ZCCHC14: variants seen among roughly 807,000 people sequenced by gnomAD.
ZCCHC14 encodes zinc finger CCHC domain-containing protein 14.
Under a neutral mutation model 85.0 loss-of-function variants are expected in ZCCHC14, and 16 were observed. The observed-to-expected ratio is 0.19, with a 90% confidence interval of 0.13 to 0.29. The LOEUF (loss-of-function observed/expected upper bound fraction) is 0.29. Among genes scored for constraint, ZCCHC14 ranks in the 10% least tolerant of loss-of-function variants. The probability of loss-of-function intolerance (pLI) is 1.00; values close to 1 mark genes in which losing one functional copy is unlikely to be tolerated. For synonymous variants in ZCCHC14, 775 were observed against 630.7 expected, an observed-to-expected ratio of 1.23 and a Z score of -3.43; for missense variants, 1,303 against 1,443.5, an observed-to-expected ratio of 0.90 and a Z score of 1.58.
chr16:87,456,354 C>A (rs1910960439), intron 2 of ZCCHC14, among the ~76,000 whole-genome samples: 1 of 151,770 alleles, frequency 6.6e-6, no homozygotes, highest in Non-Finnish European at 1.5e-5. Context: ...CACGGTGAAA[C>A]CACGTCTCTA....
At chr16:87,472,394 CA>C (rs1258273390) in intron 1 of ZCCHC14, 3 of 152,352 alleles carry the variant, frequency 2.0e-5, no homozygotes, top group African/African-American at 4.8e-5. Flanking sequence ...GCCCATTCCA[CA>C]GCCACAGGGA....
In ZCCHC14 at chr16:87,413,008, T is replaced by G. The variant is rs79270783; in HGVS notation, c.1745-32A>C. 1.9e-6 allele frequency: 3 copies of G among 1,614,066 alleles called. No homozygotes were observed. The East Asian group carries it at 6.7e-5, about 36-fold the overall frequency. On this transcript the variant is annotated intron_variant, in intron 11 of 12. Coordinates refer to ENST00000671377, the MANE Select transcript of ZCCHC14 (RefSeq NM_015144.3). Reference sequence around the variant, plus strand: ...AGGGAAACAAGAGTGGTCAGTGCCATTCCACAGCTGGGCCAGGTCGAGCCA... The same window carrying G: ...AGGGAAACAAGAGTGGTCAGTGCCAGTCCACAGCTGGGCCAGGTCGAGCCA...
At position 87,420,596 on chromosome 16, in the gene ZCCHC14, A is replaced by G. The variant is rs781368006; in HGVS notation, c.950+11T>C. The stretch of plus-strand genomic sequence containing the variant: ...GCTGTGGACGCGCCGGGTGCCTGGT[A>G]AGGGCCTCACCTCAGGCCTGAGTCC... On this transcript the variant is annotated intron_variant, in intron 5 of 12. Coordinates refer to ENST00000671377, the MANE Select transcript of ZCCHC14 (RefSeq NM_015144.3). This position sits in a 1 kb window ranked among gnomAD's most constrained non-coding sequence, Gnocchi z 5.0. 2 of 1,608,196 alleles carry G rather than the reference A, an allele frequency of 1.2e-6. No individual in the cohort carries two copies. The highest frequency in any genetic ancestry group is 1.7e-6 in the Non-Finnish European group (2 of 1,176,694).
chr16:87,422,038 A>C (rs2150729704), intron 4 of ZCCHC14, among the ~76,000 whole-genome samples: 1 of 152,354 alleles, frequency 6.6e-6, no homozygotes, highest in Non-Finnish European at 1.5e-5. Flanking sequence ...CAGGGACTTT[A>C]AACAGCTATG....
At chr16:87,467,290 T>C (rs1444498237) in intron 1 of ZCCHC14, 2 of 1,579,696 alleles carry the variant, frequency 1.3e-6, no homozygotes, top group East Asian at 4.5e-5. Context: ...ATCTGGTTTT[T>C]ATCAAGCCTC....
At position 87,491,772 on chromosome 16, in the gene ZCCHC14, T is replaced by C; in HGVS notation, c.467A>G (p.Glu156Gly). 6.3e-7 allele frequency: 1 copy of C among 1,588,256 alleles called. No individual in the cohort carries two copies. Among genetic ancestry groups the C allele is most frequent in the Non-Finnish European group, 8.5e-7 (1 of 1,170,826 alleles). The stretch of plus-strand genomic sequence containing the variant: ...CAGGCTGCTCTGGATCTGCGTGAGC[T>C]CCTGGCGCAGCACCTGCTTCTGGTG... ...SFHQKQVLRQ[E>G]LTQIQSSLNG... is the part of the protein sequence containing the mutation. The change falls in exon 1 of 13, where the codon GAG becomes GGG. Residue 156 changes from glutamate to glycine, a missense_variant. By Grantham distance (98) the Glu-to-Gly change is moderately conservative. Transcript: ENST00000671377. The surrounding 1 kb of genome is among the most constrained non-coding windows in gnomAD (Gnocchi z 5.9).
At chr16:87,443,463 TG>T (rs1429556846) in intron 2 of ZCCHC14, among the ~76,000 whole-genome samples, 1 of 152,160 alleles carries the variant, frequency 6.6e-6, no homozygotes, top group African/African-American at 2.4e-5. Context: ...TGGCCAGGCA[TG>T]GGGGCTCACA....
intron 2 of ZCCHC14, among the ~76,000 whole-genome samples, chr16:87,458,136 C>T (rs1440042838): frequency 6.6e-6 from 1 of 151,296 alleles, no homozygotes; most frequent in Admixed American, 6.6e-5. Flanking sequence ...TCAATAATTA[C>T]ATCCTGAAGA....
chr16:87,429,373 C>T (rs1909534620), intron 3 of ZCCHC14, among the ~76,000 whole-genome samples: 1 of 152,136 alleles, frequency 6.6e-6, no homozygotes, highest in South Asian at 2.1e-4. Context: ...GAGACAGGGT[C>T]TCACTGTTGC....
At position 87,491,659 on chromosome 16, in the gene ZCCHC14, G is replaced by A. The variant is rs1385012174; in HGVS notation, c.570+10C>T. 7.1e-7 allele frequency: 1 copy of A among 1,399,238 alleles called. No individual in the cohort carries two copies. The allele number at this position is 1,399,238 out of a possible 1,614,324, so 86.7% of individuals were successfully genotyped here. On this transcript the variant is annotated intron_variant, in intron 1 of 12. Transcript: ENST00000671377. The surrounding 1 kb of genome is among the most constrained non-coding windows in gnomAD (Gnocchi z 5.9). ...TGGGGTACAGGGCAGAGCTCGGGGCGGGCACGCACCTTGTGGCAGGCTGGG... is the reference window on the plus strand; with the variant it reads ...TGGGGTACAGGGCAGAGCTCGGGGCAGGCACGCACCTTGTGGCAGGCTGGG...
At position 87,412,220 on chromosome 16, in the gene ZCCHC14, T is replaced by C. The variant is rs1908495621; in HGVS notation, c.2501A>G (p.Gln834Arg). The change falls in exon 12 of 13, where the codon CAG becomes CGG. Residue 834 changes from glutamine (Q) to arginine (R), a missense_variant. By Grantham distance (43) the Gln-to-Arg change is conservative. Around this residue, in one of 7 missense-constraint regions of ZCCHC14, gnomAD observed 797 missense variants for 730.8 expected, o/e 1.09. Transcript: ENST00000671377. ...AMSSMPVGPL[Q>R]GGFCANSNTA... ...GTTGCTGTTTGCACAGAAGCCACCCTGCAGGGGGCCCACTGGCATACTGCT... is the reference window on the plus strand; with the variant it reads ...GTTGCTGTTTGCACAGAAGCCACCCCGCAGGGGGCCCACTGGCATACTGCT... The C allele has an allele frequency of 3.1e-6, 5 of 1,612,438 alleles. No individual in the cohort carries two copies. In the South Asian group the frequency reaches 4.4e-5, roughly 14 times the overall value.
In ZCCHC14 at chr16:87,430,819, G is replaced by A. The variant is rs115575036; in HGVS notation, c.768+2309C>T. On this transcript the variant is annotated intron_variant, in intron 3 of 12. Transcript: ENST00000671377. ...TTACAGGTGTGAGCCACTGTGCCCC[G>A]CTAACTTTCAGAATCAACTTGATTT... is the stretch of plus-strand genomic sequence containing the variant. 5.8e-3 allele frequency among the ~76,000 whole-genome samples: 858 copies of A among 149,140 alleles called. 7 individuals carry two copies. Among genetic ancestry groups the A allele is most frequent in the Middle Eastern group, 0.024 (7 of 292 alleles).
At chr16:87,450,992 G>A (rs561797216) in intron 2 of ZCCHC14, among the ~76,000 whole-genome samples, 1 of 152,138 alleles carries the variant, frequency 6.6e-6, no homozygotes, top group South Asian at 2.1e-4. Context: ...TCTGCCTCCT[G>A]GGTTCAAGCG....
chr16:87,481,566 A>G (rs1434794261), intron 1 of ZCCHC14, among the ~76,000 whole-genome samples: 854 of 30,218 alleles, frequency 0.028, no homozygotes, highest in Admixed American at 0.044. Context: ...GGTAAGCGGG[A>G]GGGGAAAGGA....
chr16:87,467,641 TC>T (rs1911587455), intron 1 of ZCCHC14: 2 of 984,010 alleles, frequency 2.0e-6, no homozygotes, highest in Non-Finnish European at 3.3e-6. Context: ...ACTCTGAATT[TC>T]CCTGGTCGAA....
chr16:87,426,795 T>C (rs1412745930), intron 3 of ZCCHC14, among the ~76,000 whole-genome samples: 1 of 152,156 alleles, frequency 6.6e-6, no homozygotes, highest in Admixed American at 6.5e-5. Flanking sequence ...AGGGAAAGCG[T>C]GGACTCTAAG....
intron 6 of ZCCHC14, among the ~76,000 whole-genome samples, 191 bp downstream of exon 6, chr16:87,419,592 C>T (rs189090534): frequency 2.6e-5 from 4 of 152,336 alleles, no homozygotes; most frequent in Admixed American, 1.3e-4. Context: ...TGAGCCACTG[C>T]GCCCAGCCTA....
intron 3 of ZCCHC14, among the ~76,000 whole-genome samples, chr16:87,428,235 C>T (rs539537657): frequency 9.7e-4 from 148 of 152,174 alleles, no homozygotes; most frequent in Admixed American, 2.1e-3. Context: ...TGGAAAACAA[C>T]GATACATAAA....
intron 7 of ZCCHC14, among the ~76,000 whole-genome samples, chr16:87,418,287 C>A (rs1908900897): frequency 6.6e-6 from 1 of 152,258 alleles, no homozygotes; most frequent in Admixed American, 6.5e-5. Context: ...GCACTCCACT[C>A]TGGCCTTGCT....
Sources: allele counts gnomAD v4.1 joint callset (sites outside exome capture counted in the v4.1 genomes callset), GRCh38; gene constraint gnomAD v4.1.1; regional missense constraint gnomAD v4.1.1; non-coding constraint Gnocchi (gnomAD v3.1); transcripts MANE v1.5; gene names NCBI Gene and HGNC (gene_info 2026-07-23, HGNC 2026-07-21).